The following SFI1 variants were observed in gnomAD, a reference collection of about 807,000 sequenced individuals.
SFI1 encodes the protein protein SFI1 homolog.
In SFI1, 195 loss-of-function variants were observed where a neutral mutation model predicts 207.5. That is an observed-to-expected ratio of 0.94 (90% CI 0.84 to 1.06). SFI1 has a LOEUF of 1.06. Among genes scored for constraint, SFI1 ranks in the 50% least tolerant of loss-of-function variants. The pLI is 0.00. For missense variants in SFI1, 1,634 were observed against 1,588.0 expected, an observed-to-expected ratio of 1.03 and a Z score of -0.49; for synonymous variants, 630 against 598.9, an observed-to-expected ratio of 1.05 and a Z score of -0.76.
intron 15 of SFI1, among the ~76,000 whole-genome samples, chr22:31,601,366 G>A (rs995836772): frequency 8.6e-5 from 13 of 151,846 alleles, no homozygotes; most frequent in South Asian, 8.3e-4. Flanking sequence ...CTCATGATCC[G>A]CCCACCTCGG....
chr22:31,509,620 A>C (rs2055194715), intron 2 of SFI1, among the ~76,000 whole-genome samples: 1 of 152,168 alleles, frequency 6.6e-6, no homozygotes, highest in South Asian at 2.1e-4. Flanking sequence ...CCACTGACTC[A>C]AATGTTAATA....
chr22:31,608,912 G>A (rs887797732), intron 22 of SFI1, among the ~76,000 whole-genome samples: 1 of 152,044 alleles, frequency 6.6e-6, no homozygotes, highest in Admixed American at 6.5e-5. Context: ...AGCCTGAGGT[G>A]GGAGGATCAC....
At chr22:31,563,042 G>A (rs554287739) in intron 8 of SFI1, among the ~76,000 whole-genome samples, 4 of 150,118 alleles carry the variant, frequency 2.7e-5, no homozygotes, top group African/African-American at 7.3e-5. Context: ...CACCCAGACT[G>A]GAGTGCAGTG....
At chr22:31,589,107 A>G (rs751489453) in intron 14 of SFI1, among the ~76,000 whole-genome samples, 18 of 152,208 alleles carry the variant, frequency 1.2e-4, no homozygotes, top group Non-Finnish European at 2.5e-4. Flanking sequence ...AAAACCCCAT[A>G]CATATCACTG....
intron 1 of SFI1, among the ~76,000 whole-genome samples, chr22:31,501,125 T>C (rs1168837234): frequency 1.3e-5 from 2 of 150,822 alleles, no homozygotes; most frequent in East Asian, 2.0e-4. Context: ...GTATGTACAT[T>C]AGTTTTTTAG....
At chr22:31,614,919 C>T (rs2071126958) in intron 28 of SFI1, 59 bp downstream of exon 28, 1 of 1,594,072 alleles carries the variant, frequency 6.3e-7, no homozygotes, top group Non-Finnish European at 8.6e-7. Flanking sequence ...TCCCCAAAGG[C>T]AGCGGGCACC....
chr22:31,550,286 G>A lies in SFI1; in HGVS notation c.482G>A (p.Trp161Ter). The stretch of plus-strand genomic sequence containing the variant: ...CTGTACAACCTGATGTTCCAGACGT[G>A]GAAGACCTATGTGCGTCAGCAGCAG... The part of the protein sequence containing the change: ...YYLYNLMFQT[W>*]KTYVRQQQEM... The change falls in exon 6 of 33, where the codon TGG (tryptophan) becomes TAG (stop). Residue 161 changes from tryptophan (W) to a stop codon, truncating the protein, a stop_gained. Coordinates refer to ENST00000400288, the MANE Select transcript of SFI1 (RefSeq NM_001007467.3). LOFTEE classifies it high-confidence loss of function. 6.2e-7 allele frequency: 1 copy of A among 1,614,056 alleles called. No individual in the cohort carries two copies. Among genetic ancestry groups the A allele is most frequent in the Non-Finnish European group, 8.5e-7 (1 of 1,179,986 alleles).
intron 4 of SFI1, among the ~76,000 whole-genome samples, chr22:31,542,114 A>AAG (rs1953006150): frequency 1.3e-5 from 2 of 150,096 alleles, no homozygotes; most frequent in African/African-American, 4.9e-5. Flanking sequence ...AAAAAAAAAA[A>AAG]AAAAAAGAAA....
intron 15 of SFI1, among the ~76,000 whole-genome samples, 189 bp from the exon 16 acceptor site, chr22:31,602,023 G>A (rs931844667): frequency 3.9e-5 from 6 of 151,976 alleles, no homozygotes; most frequent in Admixed American, 6.6e-5. Flanking sequence ...GGCCTCCAGC[G>A]ATCCTCCTGC....
chr22:31,549,114 C>A (rs1397909359), intron 5 of SFI1, among the ~76,000 whole-genome samples: 2 of 151,350 alleles, frequency 1.3e-5, no homozygotes, highest in Non-Finnish European at 2.9e-5. Flanking sequence ...ATGGCAAAAT[C>A]CCCCTCTACA....
chr22:31,599,579 C>T (rs904915532), intron 15 of SFI1, among the ~76,000 whole-genome samples: 2 of 152,218 alleles, frequency 1.3e-5, no homozygotes, highest in African/African-American at 2.4e-5. Context: ...ATCCACCTGC[C>T]TTGGCCTCCC....
chr22:31,582,286 C>T (rs1226230830), intron 12 of SFI1, among the ~76,000 whole-genome samples: 1 of 112,714 alleles, frequency 8.9e-6, no homozygotes, highest in Non-Finnish European at 1.7e-5. Context: ...GTCTCGCTCT[C>T]GCCCAGGCTG....
chr22:31,554,541 C>T (rs2060971744), intron 6 of SFI1, among the ~76,000 whole-genome samples: 1 of 151,160 alleles, frequency 6.6e-6, no homozygotes, highest in Admixed American at 6.6e-5. Flanking sequence ...ATCTCCTGAC[C>T]TCGTGATCCG....
intron 9 of SFI1, among the ~76,000 whole-genome samples, chr22:31,573,746 A>G (rs968480672): frequency 2.6e-5 from 4 of 152,152 alleles, no homozygotes; most frequent in African/African-American, 9.7e-5. Context: ...CCTCTTCTGT[A>G]TATTTTTTAT....
chr22:31,612,903 C>CA, intron 24 of SFI1: 1 of 533,226 alleles, frequency 1.9e-6, no homozygotes, highest in Non-Finnish European at 3.4e-6. Flanking sequence ...CCGCTGCCTC[C>CA]ACGCATCCCC....
intron 15 of SFI1, among the ~76,000 whole-genome samples, chr22:31,596,108 CG>C (rs1467882116): frequency 1.3e-5 from 2 of 152,006 alleles, no homozygotes; most frequent in Non-Finnish European, 2.9e-5. Flanking sequence ...CAAAAATTAG[CG>C]GGGCGTGGTG....
chr22:31,599,933 G>A (rs2146925917), intron 15 of SFI1, among the ~76,000 whole-genome samples: 1 of 150,510 alleles, frequency 6.6e-6, no homozygotes, highest in Non-Finnish European at 1.5e-5. Flanking sequence ...ATGTTGTCCA[G>A]GCTGGTCTTG....
At chr22:31,528,222 C>T (rs1284722885) in intron 2 of SFI1, among the ~76,000 whole-genome samples, 1 of 151,958 alleles carries the variant, frequency 6.6e-6, no homozygotes, top group East Asian at 1.9e-4. Flanking sequence ...GAGTTCAAGA[C>T]CAGCCTGGGC....
intron 2 of SFI1, among the ~76,000 whole-genome samples, chr22:31,518,064 G>T (rs1026295630): frequency 7.2e-5 from 11 of 152,292 alleles, no homozygotes; most frequent in African/African-American, 2.6e-4. Context: ...TTGGCGCACT[G>T]CAATGCCTGC....
Sources: allele counts gnomAD v4.1 joint callset (sites outside exome capture counted in the v4.1 genomes callset), GRCh38; gene constraint gnomAD v4.1.1; transcripts MANE v1.5; gene names NCBI Gene and HGNC (gene_info 2026-07-23, HGNC 2026-07-21).